The following CUL5 variants were observed in gnomAD, a reference collection of about 807,000 sequenced individuals.
The protein encoded by CUL5 is cullin 5.
In CUL5, 26 loss-of-function variants were observed where a neutral mutation model predicts 108.8. The observed-to-expected ratio is 0.24, with a 90% CI of 0.18 to 0.33. The LOEUF is 0.33. CUL5 is among the 10% of genes least tolerant of loss of function. The pLI is 1.00. For synonymous variants in CUL5, 334 were observed against 298.0 expected (o/e 1.12, Z -1.25); for missense variants, 524 against 909.2 (o/e 0.58, Z 5.45).
In CUL5 at chr11:108,089,555, A is replaced by T; in HGVS notation, c.1375A>T (p.Thr459Ser). ...VFMRYHKAHL[T>S]RRLILDISAD... ...TATGAGGTATCATAAAGCTCATTTG[A>T]CACGACGTCTTATATTAGACATCTC... is the stretch of plus-strand genomic sequence containing the variant. Residue 459 changes from threonine to serine, a missense_variant, in exon 13 of 19, where the codon ACA (threonine) becomes TCA (serine). Transcript: ENST00000393094. The T allele has an allele frequency of 1.3e-6, 2 of 1,570,226 alleles. No homozygotes were observed. Among genetic ancestry groups the T allele is most frequent in the Non-Finnish European group, 1.7e-6 (2 of 1,162,242 alleles).
chr11:108,084,570 A>G (rs1246415378), intron 11 of CUL5, among the ~76,000 whole-genome samples: 1 of 152,214 alleles, frequency 6.6e-6, no homozygotes, highest in Non-Finnish European at 1.5e-5. Flanking sequence ...GCAAGATAAC[A>G]TCATCTTGTT....
rs558982279 is a variant in CUL5 at position 108,101,398 on chromosome 11, C to T, written c.2149-2792C>T. On this transcript the variant is annotated intron_variant, in intron 18 of 18. Coordinates refer to ENST00000393094, the MANE Select transcript of CUL5 (RefSeq NM_003478.6). ...TTCTGTTGGTAACTGCTGCTGTTGTCTACAGCAGATGAATTTATGGTTCAT... is the reference window on the plus strand; with the variant it reads ...TTCTGTTGGTAACTGCTGCTGTTGTTTACAGCAGATGAATTTATGGTTCAT... Among the ~76,000 whole-genome samples the T allele has an allele frequency of 2.0e-5, 3 of 152,356 alleles. No homozygotes were observed. The East Asian group carries it at 5.8e-4, about 29-fold the overall frequency.
At chr11:108,040,277 G>A (rs1324767760) in intron 2 of CUL5, among the ~76,000 whole-genome samples, 2 of 152,030 alleles carry the variant, frequency 1.3e-5, no homozygotes, top group Non-Finnish European at 2.9e-5. Context: ...GCCAGAGTTC[G>A]AGACCAGCCT....
chr11:108,064,485 A>C (rs1373500897), intron 7 of CUL5, among the ~76,000 whole-genome samples: 1 of 152,154 alleles, frequency 6.6e-6, no homozygotes. Context: ...AGGCAGGTGG[A>C]TCACTTGAGG....
chr11:108,054,627 CT>C lies in CUL5; in HGVS notation c.554-17del. The C allele has an allele frequency of 1.3e-6, 2 of 1,491,966 alleles. No homozygotes were observed. Among genetic ancestry groups the C allele is most frequent in the Non-Finnish European group, 1.8e-6 (2 of 1,087,288 alleles). 92.4% of individuals were successfully genotyped at this position (1,491,966 alleles called of 1,614,324 possible). ...GATTTTGATCATAATTGGAGTAATACTTTATTTTCTGTTTTTCAGTTAACCT... is the reference window on the plus strand; with the variant it reads ...GATTTTGATCATAATTGGAGTAATACTTATTTTCTGTTTTTCAGTTAACCT... On this transcript the variant is annotated intron_variant, in intron 5 of 18. Coordinates refer to ENST00000393094, the MANE Select transcript of CUL5 (RefSeq NM_003478.6).
chr11:108,034,032 T>TA (rs1180440680), intron 2 of CUL5, 121 bp downstream of exon 2: 1 of 642,944 alleles, frequency 1.6e-6, no homozygotes, highest in Non-Finnish European at 2.7e-6. Context: ...TATTACTAGT[T>TA]ACATTGAGGG....
intron 3 of CUL5, among the ~76,000 whole-genome samples, chr11:108,048,444 A>G (rs1863120299): frequency 2.0e-5 from 3 of 152,040 alleles, no homozygotes; most frequent in Admixed American, 2.0e-4. Flanking sequence ...TAAAACTCAT[A>G]TATGGTTTTT....
At chr11:108,024,533 T>G (rs1862410252) in intron 1 of CUL5, among the ~76,000 whole-genome samples, 1 of 152,268 alleles carries the variant, frequency 6.6e-6, no homozygotes, top group African/African-American at 2.4e-5. Flanking sequence ...ACCTAACATG[T>G]AACAGTCAGA....
At chr11:108,052,834 G>A in intron 5 of CUL5, 33 bp downstream of exon 5, 1 of 1,564,328 alleles carries the variant, frequency 6.4e-7, no homozygotes, top group Non-Finnish European at 8.7e-7. Context: ...CATAATTTCT[G>A]TTTCATGGAA....
chr11:108,094,252 A>T (rs1377810583), intron 13 of CUL5, 139 bp from the exon 14 acceptor site: 3 of 617,874 alleles, frequency 4.9e-6, no homozygotes, highest in Non-Finnish European at 8.1e-6. Flanking sequence ...TTTCATAGGT[A>T]TTAGACAATA....
At chr11:108,017,389 CAAAAAA>C (rs71840119) in intron 1 of CUL5, among the ~76,000 whole-genome samples, 16 of 102,950 alleles carry the variant, frequency 1.6e-4, no homozygotes, top group African/African-American at 4.9e-4. Context: ...GACCCTGTCT[CAAAAAA>C]AAAAAAAAAA....
rs539753929 is a variant in CUL5 at position 108,058,319 on chromosome 11, G to A, written c.780+3364G>A. Among the ~76,000 whole-genome samples, 13 of 117,544 alleles carry A rather than the reference G, an allele frequency of 1.1e-4. No individual in the cohort carries two copies. The South Asian group carries it at 2.8e-3, about 25-fold the overall frequency. The allele number at this position is 117,544 out of a possible 152,430, so 77.1% of individuals were successfully genotyped here. A position where few individuals can be genotyped will look rare whatever the true frequency, so the allele number is the denominator to read the frequency against. On this transcript the variant is annotated intron_variant, in intron 7 of 18. Transcript: ENST00000393094. ...GCTAGAGTGCAGTAGTGCAGTCTCC[G>A]CTCACTGCAACCTCTGCTTCCCAGG...
chr11:108,060,405 C>A (rs1277148937), intron 7 of CUL5, among the ~76,000 whole-genome samples: 2 of 152,046 alleles, frequency 1.3e-5, no homozygotes, highest in African/African-American at 4.8e-5. Flanking sequence ...ATTTTTAGTT[C>A]AACTCTTACG....
At chr11:108,049,072 A>G (rs1426267107) in intron 3 of CUL5, among the ~76,000 whole-genome samples, 6 of 152,150 alleles carry the variant, frequency 3.9e-5, no homozygotes. Context: ...AAAATTGTGC[A>G]ACCATCACCC....
intron 7 of CUL5, among the ~76,000 whole-genome samples, chr11:108,060,157 G>A (rs1263893538): frequency 6.6e-6 from 1 of 151,928 alleles, no homozygotes; most frequent in Non-Finnish European, 1.5e-5. Flanking sequence ...TGGTATTTCA[G>A]GCATGGTATC....
chr11:108,061,952 G>A (rs1386611055), intron 7 of CUL5, among the ~76,000 whole-genome samples: 1 of 152,056 alleles, frequency 6.6e-6, no homozygotes, highest in Non-Finnish European at 1.5e-5. Flanking sequence ...AAAACCATCA[G>A]ATTTTGAGAA....
chr11:108,049,374 C>T (rs1446085835), intron 3 of CUL5, among the ~76,000 whole-genome samples: 1 of 151,480 alleles, frequency 6.6e-6, no homozygotes, highest in East Asian at 1.9e-4. Context: ...CAGGGTATTG[C>T]TCTGTCGCCC....
rs193136055 is a variant in CUL5, at chr11:108,085,888, G to A, written c.1179-2639G>A. Among the ~76,000 whole-genome samples the A allele has an allele frequency of 2.5e-3, 385 of 152,212 alleles. 2 individuals carry two copies. Among genetic ancestry groups the A allele is most frequent in the African/African-American group, 8.6e-3 (357 of 41,544 alleles). On this transcript the variant is annotated intron_variant, in intron 11 of 18. Coordinates refer to ENST00000393094, the MANE Select transcript of CUL5 (RefSeq NM_003478.6). ...AAAATTTTATTATGGTGATGATTACGCAACCCTCTGAATATACTTTAAAAG... is the reference window on the plus strand; with the variant it reads ...AAAATTTTATTATGGTGATGATTACACAACCCTCTGAATATACTTTAAAAG...
intron 11 of CUL5, among the ~76,000 whole-genome samples, chr11:108,080,479 T>A (rs1381673535): frequency 6.6e-6 from 1 of 152,120 alleles, no homozygotes; most frequent in Non-Finnish European, 1.5e-5. Flanking sequence ...TACTGCAACA[T>A]CCACCTCGTG....
Sources: allele counts gnomAD v4.1 joint callset (sites outside exome capture counted in the v4.1 genomes callset), GRCh38; gene constraint gnomAD v4.1.1; transcripts MANE v1.5; gene names NCBI Gene and HGNC (gene_info 2026-07-23, HGNC 2026-07-21).